GPHN: variants seen among roughly 807,000 people sequenced by gnomAD.
GPHN encodes gephyrin.
In GPHN, 17 loss-of-function variants were observed where a neutral mutation model predicts 95.5. That is an observed-to-expected ratio of 0.18 (90% CI 0.12 to 0.27). The LOEUF (loss-of-function observed/expected upper bound fraction) is 0.27. GPHN is among the 10% of genes least tolerant of loss of function. The pLI is 1.00. For missense variants in GPHN, 660 were observed against 978.1 expected, an observed-to-expected ratio of 0.67 and a Z score of 4.34; for synonymous variants, 320 against 322.5, an observed-to-expected ratio of 0.99 and a Z score of 0.08.
chr14:67,180,659 T>G, intron 22 of GPHN, 145 bp from the exon 23 acceptor site: 1 of 730,370 alleles, frequency 1.4e-6, no homozygotes, highest in Non-Finnish European at 2.4e-6. Context: ...CATGGCCACC[T>G]GAAAAAGGTA....
At chr14:67,328,278 T>G in the GPHN span, among the ~76,000 whole-genome samples, 5 of 152,272 alleles carry the variant, frequency 3.3e-5, no homozygotes, top group African/African-American at 9.6e-5. Flanking sequence ...CATGAATGTC[T>G]TCTTTTGAGA....
At chr14:67,084,504 C>A (rs1003150380) in intron 11 of GPHN, among the ~76,000 whole-genome samples, 4 of 152,274 alleles carry the variant, frequency 2.6e-5, no homozygotes, top group Admixed American at 2.6e-4. Flanking sequence ...CTGTATGTCT[C>A]CCATATCACC....
rs78145128 is a variant in GPHN at position 66,696,666 on chromosome 14, A to G, written c.143+15481A>G. Among the ~76,000 whole-genome samples, 793 of 152,306 alleles carry G rather than the reference A, an allele frequency of 5.2e-3. 18 individuals carry two copies. The highest frequency in any genetic ancestry group is 0.042 in the East Asian group (217 of 5,180). On this transcript the variant is annotated intron_variant, in intron 2 of 22. Transcript: ENST00000478722. ...GGTCCTACACCAACCCATGCCAGCA[A>G]AAGTTGAGTGGGGAGCCTGGATTCT...
chr14:67,669,316 T>C, the GPHN span, among the ~76,000 whole-genome samples: 46 of 151,614 alleles, frequency 3.0e-4, 1 homozygote, highest in African/African-American at 1.1e-3. Context: ...GTCACCCAGG[T>C]TGGAGTGCAA....
chr14:67,393,285 G>C, the GPHN span: 2 of 1,389,476 alleles, frequency 1.4e-6, no homozygotes, highest in Admixed American at 1.7e-5. Context: ...CTCATCACGC[G>C]GGCAGGTATA....
At chr14:67,359,577 T>TC in the GPHN span, 1 of 1,501,920 alleles carries the variant, frequency 6.7e-7, no homozygotes, top group Non-Finnish European at 9.2e-7. Context: ...ACAAGGACCC[T>TC]CACTGTGGCC....
intron 1 of GPHN, among the ~76,000 whole-genome samples, chr14:66,586,713 G>A (rs1293660592): frequency 4.6e-5 from 7 of 152,176 alleles, no homozygotes; most frequent in Non-Finnish European, 8.8e-5. Flanking sequence ...TTGAATATTG[G>A]CCCCCACTCT....
intron 12 of GPHN, among the ~76,000 whole-genome samples, chr14:67,098,522 A>C (rs1333178434): frequency 6.6e-6 from 1 of 152,146 alleles, no homozygotes; most frequent in African/African-American, 2.4e-5. Flanking sequence ...AAAAAAAAAG[A>C]AAATGGGTCA....
chr14:67,059,013 G>GAA, intron 11 of GPHN: 2 of 403,908 alleles, frequency 5.0e-6, no homozygotes, highest in Non-Finnish European at 8.6e-6. Flanking sequence ...ATTAAAAAAA[G>GAA]GAAAAAAAAA....
At chr14:67,191,597 C>T in the GPHN span, among the ~76,000 whole-genome samples, 1 of 152,128 alleles carries the variant, frequency 6.6e-6, no homozygotes, top group African/African-American at 2.4e-5. Flanking sequence ...ATAAAGGCAC[C>T]CCACCCCTAC....
chr14:66,691,593 A>G (rs1012956026), intron 2 of GPHN, among the ~76,000 whole-genome samples: 2 of 152,202 alleles, frequency 1.3e-5, no homozygotes, highest in East Asian at 3.9e-4. Flanking sequence ...AGCCATGCAT[A>G]GTGTTTACCT....
chr14:66,795,741 C>G (rs997825031), intron 3 of GPHN, among the ~76,000 whole-genome samples: 4 of 152,002 alleles, frequency 2.6e-5, no homozygotes, highest in African/African-American at 9.7e-5. Flanking sequence ...TTATAGGGCA[C>G]ATGAGATGTT....
At chr14:67,118,727 G>A (rs990229418) in intron 16 of GPHN, among the ~76,000 whole-genome samples, 3 of 150,920 alleles carry the variant, frequency 2.0e-5, no homozygotes, top group Admixed American at 2.0e-4. Context: ...GCGAGACTCC[G>A]TCTCAAAAAA....
At chr14:67,720,494 G>T in the GPHN span, among the ~76,000 whole-genome samples, 5 of 152,140 alleles carry the variant, frequency 3.3e-5, no homozygotes, top group Admixed American at 3.3e-4. Context: ...CGTCTTTGAG[G>T]TATTCGAATT....
rs556330856 is a variant in GPHN, at chr14:67,058,895, A to G, written c.1144+109A>G. 527 of 977,030 alleles carry G rather than the reference A, an allele frequency of 5.4e-4. 2 individuals are homozygous for G. The highest frequency in any genetic ancestry group is 7.1e-4 in the Non-Finnish European group (438 of 616,152). 60.5% of individuals were successfully genotyped at this position (977,030 alleles called of 1,614,324 possible). A position where few individuals can be genotyped will look rare whatever the true frequency, so the allele number is the denominator to read the frequency against. Reference sequence around the variant, plus strand: ...TGAAAAAGAAAGATTATTAACCATTATTACAGTTATCATCATTCTTTTTTT... The same window carrying G: ...TGAAAAAGAAAGATTATTAACCATTGTTACAGTTATCATCATTCTTTTTTT... On this transcript the variant is annotated intron_variant, in intron 11 of 22. Transcript: ENST00000478722.
chr14:67,298,303 CAGG>C, the GPHN span, among the ~76,000 whole-genome samples: 1 of 152,006 alleles, frequency 6.6e-6, no homozygotes, highest in Non-Finnish European at 1.5e-5. Context: ...CACCTGAGGT[CAGG>C]AGTTCGAGAC....
At chr14:66,634,291 A>G (rs1299241643) in intron 1 of GPHN, among the ~76,000 whole-genome samples, 2 of 150,422 alleles carry the variant, frequency 1.3e-5, no homozygotes, top group Admixed American at 6.6e-5. Context: ...TGTAGCTGTA[A>G]TGTTTGTTGG....
the GPHN span, among the ~76,000 whole-genome samples, chr14:67,286,104 G>A: frequency 6.6e-6 from 1 of 152,194 alleles, no homozygotes; most frequent in African/African-American, 2.4e-5. Context: ...GAAATTCCTT[G>A]TAGGAAATTT....
At chr14:67,623,662 C>T in the GPHN span, among the ~76,000 whole-genome samples, 4 of 151,318 alleles carry the variant, frequency 2.6e-5, no homozygotes, top group African/African-American at 9.7e-5. Context: ...CTGCCTCAAC[C>T]TCCAAAGTAG....
Sources: gnomAD v4.1 joint callset for allele counts (sites outside exome capture counted in the v4.1 genomes callset) on GRCh38, gnomAD v4.1.1 for gene constraint, MANE v1.5 for transcripts, NCBI Gene and HGNC (gene_info 2026-07-23, HGNC 2026-07-21) for gene names.